The following WASHC2C variants were observed in gnomAD, a reference collection of about 807,000 sequenced individuals.
The protein encoded by WASHC2C is WASH complex subunit 2C.
A neutral mutation model predicts 142.2 loss-of-function variants in WASHC2C; 73 were observed. The ratio of observed to expected loss-of-function variants is 0.51; its 90% CI spans 0.43 to 0.62. The LOEUF (loss-of-function observed/expected upper bound fraction) is 0.62. Ranked by LOEUF, WASHC2C falls within the 20% of genes least tolerant of loss-of-function variation. The probability of loss-of-function intolerance (pLI) is 0.00; values close to 1 mark genes in which losing one functional copy is unlikely to be tolerated. For synonymous variants in WASHC2C, 337 were observed against 565.5 expected (o/e 0.60, Z 5.73); for missense variants, 969 against 1,531.7 (o/e 0.63, Z 6.13).
At chr10:45,789,994 C>T (rs1307425704) in intron 29 of WASHC2C, among the ~76,000 whole-genome samples, 1 of 152,196 alleles carries the variant, frequency 6.6e-6, no homozygotes, top group Non-Finnish European at 1.5e-5. Flanking sequence ...CTAGGCTCCT[C>T]AGAGCTCTCT....
intron 13 of WASHC2C, among the ~76,000 whole-genome samples, chr10:45,754,250 C>T (rs2053967502): frequency 2.6e-5 from 4 of 152,228 alleles, no homozygotes; most frequent in Admixed American, 1.3e-4. Flanking sequence ...GGCTTGATGA[C>T]GGTCAGCATG....
Position 45,771,580 on chromosome 10 carries a change from T to C in WASHC2C, c.2040-1676T>C, listed in dbSNP as rs560486598. On this transcript the variant is annotated intron_variant, in intron 20 of 30. Transcript: ENST00000623400. ...TCTGGCAGTCTGAACCCCATCTTGTTTGTGGGTCCTGGTTCCAGCCACACA... is the reference window on the plus strand; with the variant it reads ...TCTGGCAGTCTGAACCCCATCTTGTCTGTGGGTCCTGGTTCCAGCCACACA... The C allele has an allele frequency of 7.5e-3, 7,326 of 981,050 alleles. 22 individuals carry two copies. The highest frequency in any genetic ancestry group is 8.1e-3 in the Non-Finnish European group (6,738 of 827,734). The allele number at this position is 981,050 out of a possible 1,614,324, so 60.8% of individuals were successfully genotyped here. A position where few individuals can be genotyped will look rare whatever the true frequency, so the allele number is the denominator to read the frequency against.
At chr10:45,730,897 G>T (rs2050493335) in intron 3 of WASHC2C, among the ~76,000 whole-genome samples, 1 of 151,820 alleles carries the variant, frequency 6.6e-6, no homozygotes, top group Non-Finnish European at 1.5e-5. Flanking sequence ...GGGATTACAG[G>T]CCTGAGCCAC....
At chr10:45,768,470 A>T (rs1554883347) in intron 19 of WASHC2C, among the ~76,000 whole-genome samples, 1 of 152,148 alleles carries the variant, frequency 6.6e-6, no homozygotes, top group East Asian at 1.9e-4. Context: ...GATTCAGAAA[A>T]TAGGGGCGGG....
Position 45,727,323 on chromosome 10 carries a change from G to A in WASHC2C, c.3+3G>A, listed in dbSNP as rs2049960363. The A allele has an allele frequency of 3.2e-6, 5 of 1,581,146 alleles. No homozygotes were observed. The highest frequency in any genetic ancestry group is 2.3e-5 in the East Asian group (1 of 43,514). ...CACCGAGCCGGGCGGCTGGGATGGT[G>A]AGGGCGGCGGGCCGGAGAGGGGCCG... On this transcript the variant is annotated splice_donor_region_variant and intron_variant, in intron 1 of 30. Transcript: ENST00000623400.
intron 23 of WASHC2C, among the ~76,000 whole-genome samples, chr10:45,784,252 G>GTATATA (rs71225139): frequency 0.056 from 2,226 of 39,874 alleles, 79 homozygotes; most frequent in South Asian, 0.095. Flanking sequence ...GTGTGTGTGT[G>GTATATA]TATATATATA....
At chr10:45,768,988 A>G (rs1399007884) in intron 19 of WASHC2C, among the ~76,000 whole-genome samples, 1 of 152,158 alleles carries the variant, frequency 6.6e-6, no homozygotes, top group Admixed American at 6.5e-5. Flanking sequence ...GAGTTCAAAG[A>G]AAAGTCTTAA....
chr10:45,783,714 G>A (rs1477899070), intron 23 of WASHC2C, among the ~76,000 whole-genome samples: 2 of 152,208 alleles, frequency 1.3e-5, no homozygotes, highest in African/African-American at 4.8e-5. Flanking sequence ...ACCCGCCTTG[G>A]CCTCCCAAAG....
At chr10:45,749,596 G>T (rs1483017616) in intron 8 of WASHC2C, among the ~76,000 whole-genome samples, 1 of 150,966 alleles carries the variant, frequency 6.6e-6, no homozygotes, top group African/African-American at 2.4e-5. Context: ...AGGCTGAGGC[G>T]GGTGGATCAC....
intron 8 of WASHC2C, among the ~76,000 whole-genome samples, chr10:45,747,545 A>G (rs1392708101): frequency 5.8e-4 from 89 of 152,168 alleles, no homozygotes; most frequent in African/African-American, 2.1e-3. Context: ...TAAGGGAAAG[A>G]GTTTATTTCT....
intron 13 of WASHC2C, among the ~76,000 whole-genome samples, chr10:45,753,881 T>C (rs2134724908): frequency 6.6e-6 from 1 of 151,566 alleles, no homozygotes; most frequent in Non-Finnish European, 1.5e-5. Context: ...AGGTTTGTGG[T>C]AGTTCTTGGG....
At chr10:45,779,398 C>T (rs1331019699) in intron 23 of WASHC2C, among the ~76,000 whole-genome samples, 2 of 150,720 alleles carry the variant, frequency 1.3e-5, no homozygotes, top group Non-Finnish European at 3.0e-5. Context: ...AAAACTTTGC[C>T]CCTTGGCCAG....
chr10:45,754,819 A>AT (rs1554876446), intron 14 of WASHC2C, 117 bp from the exon 15 acceptor site: 1 of 1,353,142 alleles, frequency 7.4e-7, no homozygotes, highest in African/African-American at 1.5e-5. Context: ...GGGCCCTGTT[A>AT]TGCATTTTGT....
chr10:45,775,391 G>A (rs1554886046), intron 21 of WASHC2C, among the ~76,000 whole-genome samples: 2 of 127,290 alleles, frequency 1.6e-5, no homozygotes, highest in African/African-American at 5.9e-5. Flanking sequence ...GGAGGCTGGG[G>A]CAGGAGAATC....
intron 3 of WASHC2C, among the ~76,000 whole-genome samples, chr10:45,729,728 C>G (rs1430092372): frequency 1.3e-5 from 2 of 148,420 alleles, no homozygotes; most frequent in Non-Finnish European, 3.0e-5. Context: ...CATAGGGTGT[C>G]CCAACTTTCT....
intron 16 of WASHC2C, among the ~76,000 whole-genome samples, chr10:45,758,924 G>A (rs1372159952): frequency 1.3e-5 from 2 of 150,680 alleles, no homozygotes; most frequent in African/African-American, 4.9e-5. Context: ...TGTACAGCTG[G>A]TCCCTCCTCT....
chr10:45,738,104 C>G, intron 4 of WASHC2C, 59 bp downstream of exon 4: 3 of 1,610,848 alleles, frequency 1.9e-6, no homozygotes, highest in Non-Finnish European at 1.7e-6. Context: ...TGGTGGAGAT[C>G]GATGTGTTAT....
chr10:45,747,657 C>T (rs1409479313), intron 8 of WASHC2C, among the ~76,000 whole-genome samples: 1 of 149,906 alleles, frequency 6.7e-6, no homozygotes, highest in Non-Finnish European at 1.5e-5. Context: ...GTGGTGTGAT[C>T]TCAGCTCAAT....
intron 13 of WASHC2C, 146 bp from the exon 14 acceptor site, chr10:45,754,340 G>C (rs370251798): frequency 6.6e-7 from 1 of 1,510,350 alleles, no homozygotes; most frequent in African/African-American, 1.4e-5. Flanking sequence ...AAAATACTAA[G>C]GAATTTTAAA....
Sources: gnomAD v4.1 joint callset for allele counts (sites outside exome capture counted in the v4.1 genomes callset) on GRCh38, gnomAD v4.1.1 for gene constraint, MANE v1.5 for transcripts, NCBI Gene and HGNC (gene_info 2026-07-23, HGNC 2026-07-21) for gene names.